PATJ: variants seen among roughly 807,000 people sequenced by gnomAD.
PATJ encodes the protein PATJ crumbs cell polarity complex component, also known as inaD-like protein.
Under a neutral mutation model 224.9 loss-of-function variants are expected in PATJ, and 190 were observed. The ratio of observed to expected loss-of-function variants is 0.84; its 90% CI spans 0.75 to 0.95. The LOEUF (loss-of-function observed/expected upper bound fraction) is 0.95, where lower values mean the gene tolerates loss of function less well. PATJ is among the 40% of genes least tolerant of loss of function. PATJ has a pLI of 0.00. For synonymous variants in PATJ, 769 were observed against 820.3 expected (o/e 0.94, Z 1.07); for missense variants, 2,121 against 2,270.3 (o/e 0.93, Z 1.34).
chr1:61,794,201 C>CT (rs1221304299), intron 9 of PATJ, among the ~76,000 whole-genome samples: 391 of 147,604 alleles, frequency 2.6e-3, no homozygotes, highest in Admixed American at 5.2e-3. Flanking sequence ...TGTGCCCGGA[C>CT]TTTTTTTTTT....
At chr1:61,745,453 T>C (rs1226030162) in intron 1 of PATJ, among the ~76,000 whole-genome samples, 1 of 152,020 alleles carries the variant, frequency 6.6e-6, no homozygotes, top group African/African-American at 2.4e-5. Flanking sequence ...TTTGTATTTT[T>C]AGTAGAGACA....
intron 17 of PATJ, among the ~76,000 whole-genome samples, chr1:61,839,581 A>G (rs1227922762): frequency 6.6e-6 from 1 of 152,126 alleles, no homozygotes; most frequent in African/African-American, 2.4e-5. Flanking sequence ...AGTTGACCTT[A>G]TAAATTAAAC....
chr1:61,830,550 A>T (rs1659124474), intron 16 of PATJ, among the ~76,000 whole-genome samples: 2 of 151,618 alleles, frequency 1.3e-5, no homozygotes, highest in Non-Finnish European at 2.9e-5. Flanking sequence ...TTTGGAACCA[A>T]AAAAGAGCCC....
At chr1:61,990,412 G>A in intron 28 of PATJ, 48 bp downstream of exon 28, 3 of 1,366,564 alleles carry the variant, frequency 2.2e-6, no homozygotes, top group Non-Finnish European at 3.0e-6. Context: ...GTGGATGGGT[G>A]CAGTGGATGT....
chr1:62,134,330 CTTT>C (rs779235130), intron 41 of PATJ, among the ~76,000 whole-genome samples: 1 of 96,518 alleles, frequency 1.0e-5, no homozygotes, highest in Non-Finnish European at 1.9e-5. Flanking sequence ...CCAGCCCTCT[CTTT>C]TTTTTTTTTT....
At chr1:61,989,006 G>C (rs998507383) in intron 27 of PATJ, among the ~76,000 whole-genome samples, 1 of 152,192 alleles carries the variant, frequency 6.6e-6, no homozygotes, top group Non-Finnish European at 1.5e-5. Flanking sequence ...CATGGTAGTA[G>C]GCATGAAGCC....
intron 33 of PATJ, among the ~76,000 whole-genome samples, chr1:62,106,182 A>ATATC (rs1553268395): frequency 8.3e-5 from 9 of 108,080 alleles, no homozygotes; most frequent in African/African-American, 3.0e-4. Context: ...ATATATATAT[A>ATATC]TATATGGCTG....
chr1:62,029,276 T>C (rs1474424662), intron 29 of PATJ, among the ~76,000 whole-genome samples: 2 of 152,232 alleles, frequency 1.3e-5, no homozygotes, highest in Non-Finnish European at 2.9e-5. Context: ...GATGAAGTGA[T>C]GGCATTCTAC....
chr1:61,939,880 G>A (rs1190542528), intron 27 of PATJ, among the ~76,000 whole-genome samples: 3 of 151,568 alleles, frequency 2.0e-5, no homozygotes, highest in Non-Finnish European at 4.4e-5. Context: ...CACCATGTTG[G>A]CCAAGCTGGT....
chr1:61,988,271 A>G (rs998693846), intron 27 of PATJ, among the ~76,000 whole-genome samples: 1 of 152,226 alleles, frequency 6.6e-6, no homozygotes, highest in South Asian at 2.1e-4. Context: ...CACTGATCTA[A>G]TTAACTAATA....
At chr1:62,069,182 G>T (rs6661862) in intron 31 of PATJ, among the ~76,000 whole-genome samples, 45,017 of 152,010 alleles carry the variant, frequency 0.3, 7,867 homozygotes, top group Non-Finnish European at 0.41. Context: ...AGAATCTTGC[G>T]TGTGTTGCTG....
chr1:61,821,380 A>G (rs1166415488), intron 14 of PATJ, among the ~76,000 whole-genome samples: 1 of 152,154 alleles, frequency 6.6e-6, no homozygotes, highest in African/African-American at 2.4e-5. Context: ...AGAGAACTAG[A>G]ACATCTTCTT....
At chr1:62,091,596 A>G (rs1333983570) in intron 33 of PATJ, among the ~76,000 whole-genome samples, 1 of 152,152 alleles carries the variant, frequency 6.6e-6, no homozygotes, top group Admixed American at 6.5e-5. Flanking sequence ...AGACAATTGC[A>G]TATTTGTTTT....
intron 30 of PATJ, among the ~76,000 whole-genome samples, chr1:62,046,251 AGGG>A (rs1652548462): frequency 3.0e-5 from 2 of 66,600 alleles, no homozygotes; most frequent in Non-Finnish European, 5.6e-5. Context: ...GGAGGGAGGG[AGGG>A]AGGGAAAGGA....
chr1:61,814,519 AGTGTGTGTGTGTGT>A (rs67159092), intron 14 of PATJ, among the ~76,000 whole-genome samples: 35 of 144,060 alleles, frequency 2.4e-4, no homozygotes, highest in Non-Finnish European at 5.1e-4. Context: ...CCTTTTGTTT[AGTGTGTGTGTGTGT>A]GTGTGTGTGT....
chr1:62,148,120 TTA>T (rs768926918), intron 41 of PATJ, among the ~76,000 whole-genome samples, 162 bp from the exon 42 acceptor site: 8,185 of 108,512 alleles, frequency 0.075, 472 homozygotes, highest in African/African-American at 0.13. Flanking sequence ...GACACTGTCT[TTA>T]AAAAAAAAAA....
intron 27 of PATJ, among the ~76,000 whole-genome samples, chr1:61,985,015 T>C (rs1180000215): frequency 6.6e-6 from 1 of 151,974 alleles, no homozygotes; most frequent in African/African-American, 2.4e-5. Context: ...ACTAGAAAAA[T>C]ATAGCTGCTG....
chr1:61,982,369 G>A (rs1644495743), intron 27 of PATJ, among the ~76,000 whole-genome samples: 1 of 151,946 alleles, frequency 6.6e-6, no homozygotes, highest in Non-Finnish European at 1.5e-5. Context: ...TACCTAAAAT[G>A]TCTACCAGTT....
intron 26 of PATJ, among the ~76,000 whole-genome samples, chr1:61,925,673 C>T (rs1212224301): frequency 6.6e-6 from 1 of 151,750 alleles, no homozygotes; most frequent in Non-Finnish European, 1.5e-5. Flanking sequence ...GTGGGACCTC[C>T]AAAACTGTTC....
Sources: allele counts gnomAD v4.1 joint callset (sites outside exome capture counted in the v4.1 genomes callset), GRCh38; gene constraint gnomAD v4.1.1; transcripts MANE v1.5; gene names NCBI Gene and HGNC (gene_info 2026-07-23, HGNC 2026-07-21).